Variants in PTPRF observed in about 807,000 individuals in gnomAD.
The protein encoded by PTPRF is protein tyrosine phosphatase receptor type F.
In PTPRF, 59 loss-of-function variants were observed where a neutral mutation model predicts 201.8. That is an observed-to-expected ratio of 0.29 (90% CI 0.24 to 0.36). PTPRF has a LOEUF of 0.36. Among genes scored for constraint, PTPRF ranks in the 10% least tolerant of loss-of-function variants. The pLI is 1.00. For synonymous variants in PTPRF, 1,088 were observed against 1,089.7 expected (o/e 1.00, Z 0.03); for missense variants, 2,132 against 2,690.5 (o/e 0.79, Z 4.59).
At chr1:43,533,521 G>C (rs1370529548) in intron 1 of PTPRF, among the ~76,000 whole-genome samples, 3 of 152,118 alleles carry the variant, frequency 2.0e-5, no homozygotes, top group Admixed American at 6.5e-5. Context: ...TCCTGCAGTA[G>C]AGGGGTTGTG....
intron 14 of PTPRF, among the ~76,000 whole-genome samples, chr1:43,602,399 T>C (rs1653980398): frequency 6.6e-6 from 1 of 152,210 alleles, no homozygotes; most frequent in Non-Finnish European, 1.5e-5. Context: ...CGTTAGGCCT[T>C]ATTGATCCCT....
At chr1:43,589,534 C>T (rs538722619) in intron 8 of PTPRF, among the ~76,000 whole-genome samples, 26 of 151,918 alleles carry the variant, frequency 1.7e-4, no homozygotes, top group Non-Finnish European at 3.7e-4. Flanking sequence ...GGGACAGGCA[C>T]ACATGTATTA....
upstream of PTPRF, chr1:43,528,564 G>A (rs192396191): frequency 2.6e-5 from 4 of 152,326 alleles, no homozygotes; most frequent in East Asian, 1.9e-4. Context: ...GGCTTTGTGC[G>A]TGTGTGGACT....
intron 3 of PTPRF, among the ~76,000 whole-genome samples, chr1:43,547,877 G>T (rs1245415217): frequency 6.6e-6 from 1 of 152,222 alleles, no homozygotes; most frequent in Non-Finnish European, 1.5e-5. Flanking sequence ...TTCTCAGGAG[G>T]GGAGGTTGTG....
rs562011415 is a variant in PTPRF at position 43,605,236 on chromosome 1, G to A, written c.3182G>A (p.Arg1061Gln). 59 of 1,608,000 alleles carry A rather than the reference G, an allele frequency of 3.7e-5. No individual in the cohort carries two copies. The Middle Eastern group carries it at 5.0e-4, about 14-fold the overall frequency. Residue 1061 changes from arginine (R) to glutamine (Q), a missense_variant, in exon 18 of 34, where the codon CGG (arginine) becomes CAG (glutamine). By Grantham distance (43) the Arg-to-Gln change is conservative. Transcript: ENST00000359947. ...QSVEVDGHSMRKLIADLQPNT... is the reference protein window; with the variant it reads ...QSVEVDGHSMQKLIADLQPNT... ...GTGGAGGTGGACGGGCACTCGATGC[G>A]GAAGCTGATCGCAGACCTGCAGCCC...
At chr1:43,595,748 G>C (rs1394012646) in intron 11 of PTPRF, among the ~76,000 whole-genome samples, 3 of 152,058 alleles carry the variant, frequency 2.0e-5, no homozygotes, top group African/African-American at 7.2e-5. Flanking sequence ...CAAGTACGGT[G>C]GGGGGGTTGT....
At chr1:43,559,433 T>C (rs906746869) in intron 5 of PTPRF, among the ~76,000 whole-genome samples, 18 of 152,204 alleles carry the variant, frequency 1.2e-4, no homozygotes, top group African/African-American at 4.1e-4. Flanking sequence ...CATCAGGCAG[T>C]GTGTGGGCAG....
intron 6 of PTPRF, among the ~76,000 whole-genome samples, chr1:43,574,505 T>C (rs1646794953): frequency 6.6e-6 from 1 of 152,220 alleles, no homozygotes; most frequent in Non-Finnish European, 1.5e-5. Flanking sequence ...ATCTCTTTAA[T>C]TTGGGACTTA....
intron 5 of PTPRF, among the ~76,000 whole-genome samples, chr1:43,557,139 GC>G (rs1295789258): frequency 6.6e-6 from 1 of 152,218 alleles, no homozygotes; most frequent in Non-Finnish European, 1.5e-5. Flanking sequence ...GCCCCAGAGG[GC>G]TTCTTTTCAG....
upstream of PTPRF, among the ~76,000 whole-genome samples, chr1:43,530,154 TG>T (rs1186008323): frequency 1.3e-5 from 2 of 152,016 alleles, no homozygotes; most frequent in Non-Finnish European, 2.9e-5. The surrounding 1 kb of genome is among the most constrained non-coding windows in gnomAD (Gnocchi z 4.1). Flanking sequence ...TATCTGTGTT[TG>T]GGGGTCCTTT....
intron 5 of PTPRF, among the ~76,000 whole-genome samples, chr1:43,562,883 A>G (rs1645901278): frequency 6.6e-6 from 1 of 151,950 alleles, no homozygotes; most frequent in African/African-American, 2.4e-5. Flanking sequence ...AGATCACTAG[A>G]AGGTTAGAAA....
chr1:43,542,743 G>A lies in PTPRF; in HGVS notation c.-45-2288G>A, dbSNP rs889259327. Among the ~76,000 whole-genome samples the A allele has an allele frequency of 1.3e-5, 2 of 152,112 alleles. No individual in the cohort carries two copies. The highest frequency in any genetic ancestry group is 2.9e-5 in the Non-Finnish European group (2 of 68,020). ...GTCTGTACCCTCTGTGTCCGCCCAC[G>A]TGATGTCTAGACCACACCATTACAC... On this transcript the variant is annotated intron_variant, in intron 2 of 33. Transcript: ENST00000359947. The surrounding 1 kb of genome is among the most constrained non-coding windows in gnomAD (Gnocchi z 5.2).
At position 43,604,759 on chromosome 1, in the gene PTPRF, T is replaced by C. The variant is rs1226627359; in HGVS notation, c.3038-144T>C. On this transcript the variant is annotated intron_variant, in intron 16 of 33. Coordinates refer to ENST00000359947, the MANE Select transcript of PTPRF (RefSeq NM_002840.5). ...TGTGCCGTTTGAAGCTGGCTGGGAG[T>C]GGGGCGCTTGGTACTCTGCAGCCAT... 4.3e-6 allele frequency: 3 copies of C among 691,932 alleles called. No homozygotes were observed. In the African/African-American group the frequency reaches 5.3e-5, roughly 12 times the overall value. The allele number at this position is 691,932 out of a possible 1,614,324, so 42.9% of individuals were successfully genotyped here.
intron 5 of PTPRF, among the ~76,000 whole-genome samples, chr1:43,569,308 C>G (rs981230818): frequency 6.6e-6 from 1 of 151,140 alleles, no homozygotes; most frequent in Non-Finnish European, 1.5e-5. Context: ...TTCTCAGGGC[C>G]TGGAGAGATA....
intron 29 of PTPRF, 117 bp from the exon 30 acceptor site, chr1:43,619,978 G>A (rs931624058): frequency 2.6e-5 from 41 of 1,564,684 alleles, no homozygotes; most frequent in Non-Finnish European, 3.3e-5. Context: ...GGGTAGAGCA[G>A]TGAGGACTTC....
At chr1:43,532,090 A>G (rs1204013171) in intron 1 of PTPRF, among the ~76,000 whole-genome samples, 3 of 148,656 alleles carry the variant, frequency 2.0e-5, no homozygotes, top group East Asian at 2.0e-4. Flanking sequence ...GGGTCTCTCT[A>G]TTTCCTCTCC....
intron 5 of PTPRF, among the ~76,000 whole-genome samples, chr1:43,568,275 G>A (rs1253264966): frequency 1.3e-5 from 2 of 150,120 alleles, no homozygotes; most frequent in Non-Finnish European, 3.0e-5. Context: ...AGCCTGGGCA[G>A]CAGAGTGAGA....
upstream of PTPRF, among the ~76,000 whole-genome samples, chr1:43,523,085 CTG>C (rs1308480031): frequency 1.3e-5 from 2 of 152,098 alleles, no homozygotes; most frequent in Non-Finnish European, 2.9e-5. Flanking sequence ...GAGAGGTGCT[CTG>C]GAGGTAAAAT....
At chr1:43,595,300 C>T in intron 11 of PTPRF, among the ~76,000 whole-genome samples, 1 of 152,112 alleles carries the variant, frequency 6.6e-6, no homozygotes, top group East Asian at 1.9e-4. Context: ...AACCTCCGTC[C>T]ACCTCCTGGG....
Sources: allele counts gnomAD v4.1 joint callset (sites outside exome capture counted in the v4.1 genomes callset), GRCh38; gene constraint gnomAD v4.1.1; non-coding constraint Gnocchi (gnomAD v3.1); transcripts MANE v1.5; gene names NCBI Gene and HGNC (gene_info 2026-07-23, HGNC 2026-07-21).